PCGF5: variants seen among roughly 807,000 people sequenced by gnomAD.
The protein encoded by PCGF5 is polycomb group ring finger 5, also known as polycomb group RING finger protein 5.
A neutral mutation model predicts 44.3 loss-of-function variants in PCGF5; 9 were observed. That is an observed-to-expected ratio of 0.20 (90% CI 0.12 to 0.35). The LOEUF is 0.35. PCGF5 is among the 10% of genes least tolerant of loss of function. The pLI is 1.00. For synonymous variants in PCGF5, 95 were observed against 102.5 expected (o/e 0.93, Z 0.44); for missense variants, 146 against 305.3 (o/e 0.48, Z 3.89).
At chr10:91,200,219 A>G (rs1844224777) in intron 1 of PCGF5, among the ~76,000 whole-genome samples, 1 of 152,220 alleles carries the variant, frequency 6.6e-6, no homozygotes, top group Admixed American at 6.5e-5. Context: ...GCATGTAGAG[A>G]TGAGCGTGGA....
chr10:91,240,553 A>G lies in PCGF5; in HGVS notation c.182A>G (p.His61Arg). The change falls in exon 3 of 10, where the codon CAT (histidine) becomes CGT (arginine). Residue 61 changes from histidine (H) to arginine (R), a missense_variant. Physicochemically the swap from His to Arg is conservative, Grantham distance 29. Around this residue, in one of 3 missense-constraint regions of PCGF5, gnomAD observed 123 missense variants for 268.6 expected, o/e 0.46. Coordinates refer to ENST00000336126, the MANE Select transcript of PCGF5 (RefSeq NM_032373.5). ...NDCPRCGNQV[H>R]ETNPLEMLRL... is the part of the protein sequence containing the mutation. ...TGCCCAAGGTGTGGCAACCAAGTTC[A>G]TGAGACAAATCCATTAGAAATGTTG... The G allele has an allele frequency of 6.2e-7, 1 of 1,610,860 alleles. No homozygotes were observed. Among genetic ancestry groups the G allele is most frequent in the Non-Finnish European group, 8.5e-7 (1 of 1,177,644 alleles).
upstream of PCGF5, among the ~76,000 whole-genome samples, chr10:91,160,755 A>G (rs754637550): frequency 6.6e-6 from 1 of 152,220 alleles, no homozygotes; most frequent in Non-Finnish European, 1.5e-5. Context: ...AGAAGAGGAT[A>G]GAACGGTAAT....
At chr10:91,213,627 G>GCTTTTTTTTTT (rs1279180963) in intron 1 of PCGF5, among the ~76,000 whole-genome samples, 2 of 150,380 alleles carry the variant, frequency 1.3e-5, no homozygotes, top group African/African-American at 4.9e-5. Context: ...ACCACACCAG[G>GCTTTTTTTTTT]CTTTTTTTTT....
At chr10:91,185,082 T>C (rs983068020) in intron 1 of PCGF5, among the ~76,000 whole-genome samples, 1 of 152,220 alleles carries the variant, frequency 6.6e-6, no homozygotes, top group African/African-American at 2.4e-5. Flanking sequence ...CCCAGTTGGC[T>C]TGGGCTCTCC....
chr10:91,197,310 T>G (rs1259313794), intron 1 of PCGF5, among the ~76,000 whole-genome samples: 2 of 152,124 alleles, frequency 1.3e-5, no homozygotes, highest in East Asian at 3.9e-4. Context: ...ACTCCTGGGC[T>G]CCTCGGGCAC....
intron 1 of PCGF5, among the ~76,000 whole-genome samples, chr10:91,186,132 T>TA (rs1843919968): frequency 1.3e-5 from 2 of 152,250 alleles, no homozygotes; most frequent in African/African-American, 4.8e-5. Context: ...AAGTAAATTT[T>TA]AACTTAAAAT....
chr10:91,277,517 G>A (rs1243792544), intron 9 of PCGF5, among the ~76,000 whole-genome samples: 1 of 152,142 alleles, frequency 6.6e-6, no homozygotes, highest in African/African-American at 2.4e-5. Context: ...TATGCCATAT[G>A]CCTTTATCCC....
intron 1 of PCGF5, among the ~76,000 whole-genome samples, chr10:91,196,638 C>T (rs112376393): frequency 1.4e-4 from 22 of 152,308 alleles, no homozygotes; most frequent in African/African-American, 4.8e-4. Context: ...AGCTCCTTTC[C>T]ATTACACTGA....
At chr10:91,166,232 G>A (rs1843497090) in intron 1 of PCGF5, among the ~76,000 whole-genome samples, 1 of 152,186 alleles carries the variant, frequency 6.6e-6, no homozygotes, top group African/African-American at 2.4e-5. Context: ...GAGAAGAATG[G>A]TTTCTATCAT....
At chr10:91,169,083 A>C (rs991251625) in intron 1 of PCGF5, among the ~76,000 whole-genome samples, 5 of 152,154 alleles carry the variant, frequency 3.3e-5, no homozygotes, top group African/African-American at 1.2e-4. Context: ...CAGGAGAGAT[A>C]GGATAGGGTA....
Position 91,227,386 on chromosome 10 carries a change from A to G in PCGF5, c.112+4403A>G, listed in dbSNP as rs991318255. ...CTTGGATGTCCTGAAGCCACCTGAA[A>G]CTCAGCATATCTACGAATGATCAAA... is the stretch of plus-strand genomic sequence containing the variant. On this transcript the variant is annotated intron_variant, in intron 2 of 9. Transcript: ENST00000336126. The G allele has an allele frequency of 6.0e-5, 77 of 1,286,006 alleles. No homozygotes were observed. The African/African-American group carries it at 1.1e-3, about 19-fold the overall frequency. The allele number at this position is 1,286,006 out of a possible 1,614,324, so 79.7% of individuals were successfully genotyped here.
intron 1 of PCGF5, among the ~76,000 whole-genome samples, chr10:91,163,817 G>A (rs1378177103): frequency 1.3e-5 from 2 of 150,738 alleles, no homozygotes; most frequent in South Asian, 2.1e-4. Context: ...TGCGGGCGCT[G>A]CCCGCGCGCG....
At chr10:91,269,897 CTGTT>C (rs1406505899) in intron 8 of PCGF5, among the ~76,000 whole-genome samples, 1 of 152,020 alleles carries the variant, frequency 6.6e-6, no homozygotes, top group East Asian at 1.9e-4. Context: ...GAATCTTTTG[CTGTT>C]ATGTGTTACA....
In PCGF5 at chr10:91,279,167, A is replaced by G. The variant is rs1482439484; in HGVS notation, c.*851A>G. The G allele has an allele frequency of 6.6e-6, 1 of 152,166 alleles. No individual in the cohort carries two copies. The highest frequency in any genetic ancestry group is 1.5e-5 in the Non-Finnish European group (1 of 68,018). The allele number at this position is 152,166 out of a possible 1,614,324, so 9.4% of individuals were successfully genotyped here. A position where few individuals can be genotyped will look rare whatever the true frequency, so the allele number is the denominator to read the frequency against. On this transcript the variant is annotated 3_prime_UTR_variant, in exon 10 of 10. Coordinates refer to ENST00000336126, the MANE Select transcript of PCGF5 (RefSeq NM_032373.5). The stretch of plus-strand genomic sequence containing the variant: ...TATAGCCCATTTCATGTATCATTAC[A>G]TTGTTGCTGTTATTTAATGAGTGCA...
At chr10:91,273,983 A>G (rs1185121328) in intron 9 of PCGF5, among the ~76,000 whole-genome samples, 1 of 151,922 alleles carries the variant, frequency 6.6e-6, no homozygotes, top group Non-Finnish European at 1.5e-5. Flanking sequence ...TCAAAACAAC[A>G]GAAAATTGAA....
At chr10:91,230,440 A>T (rs1402268656) in intron 2 of PCGF5, among the ~76,000 whole-genome samples, 2 of 152,144 alleles carry the variant, frequency 1.3e-5, no homozygotes, top group Non-Finnish European at 2.9e-5. Flanking sequence ...TTTTATATGT[A>T]CTGATTTTTA....
Position 91,282,643 on chromosome 10 carries a change from T to C in PCGF5, c.*4327T>C, listed in dbSNP as rs1249015232. 2.0e-5 allele frequency: 3 copies of C among 152,644 alleles called. No individual in the cohort carries two copies. Among genetic ancestry groups the C allele is most frequent in the Admixed American group, 6.5e-5 (1 of 15,278 alleles). The allele number at this position is 152,644 out of a possible 1,614,324, so 9.5% of individuals were successfully genotyped here. On this transcript the variant is annotated 3_prime_UTR_variant, in exon 10 of 10. Coordinates refer to ENST00000336126, the MANE Select transcript of PCGF5 (RefSeq NM_032373.5). The stretch of plus-strand genomic sequence containing the variant: ...TGTACCATTTCTCCTTGGGAACTCA[T>C]GCTATGGGCTACCTTAAAGGTAAAA...
intron 1 of PCGF5, among the ~76,000 whole-genome samples, chr10:91,163,675 T>C (rs1843437771): frequency 1.3e-5 from 2 of 152,022 alleles, no homozygotes; most frequent in African/African-American, 4.8e-5. Context: ...CAGGTTATTA[T>C]ATAAGATGTC....
intron 6 of PCGF5, 116 bp from the exon 7 acceptor site, chr10:91,261,210 T>C: frequency 1.6e-6 from 2 of 1,238,818 alleles, no homozygotes; most frequent in Non-Finnish European, 1.1e-6. Flanking sequence ...GTTTTCACAA[T>C]ACATTTTAAA....
Sources: gnomAD v4.1 joint callset for allele counts (sites outside exome capture counted in the v4.1 genomes callset) on GRCh38, gnomAD v4.1.1 for gene constraint, gnomAD v4.1.1 regional missense constraint, MANE v1.5 for transcripts, NCBI Gene and HGNC (gene_info 2026-07-23, HGNC 2026-07-21) for gene names.